The following NPTX2 variants were observed in gnomAD, a reference collection of about 807,000 sequenced individuals.
NPTX2 encodes the protein neuronal pentraxin-2.
A neutral mutation model predicts 38.1 loss-of-function variants in NPTX2; 23 were observed. The observed-to-expected ratio is 0.60, with a 90% CI of 0.43 to 0.85. The LOEUF (loss-of-function observed/expected upper bound fraction) is 0.85, where lower values mean the gene tolerates loss of function less well. Among genes scored for constraint, NPTX2 ranks in the 40% least tolerant of loss-of-function variants. The pLI, the probability that NPTX2 is intolerant of heterozygous loss-of-function variation, is 0.00. For synonymous variants in NPTX2, 291 were observed against 287.3 expected (o/e 1.01, Z -0.13); for missense variants, 553 against 615.3 (o/e 0.90, Z 1.07).
At chr7:98,623,174 G>C (rs1351330517) in intron 2 of NPTX2, among the ~76,000 whole-genome samples, 1 of 152,164 alleles carries the variant, frequency 6.6e-6, no homozygotes, top group African/African-American at 2.4e-5. Flanking sequence ...CCTTGTGGAT[G>C]CTTAACCGAC....
intron 3 of NPTX2, 148 bp downstream of exon 3, chr7:98,625,314 G>A: frequency 1.3e-6 from 1 of 750,714 alleles, no homozygotes; most frequent in South Asian, 1.8e-5. Flanking sequence ...TCGAGGTGGG[G>A]ATAGCTTTGC....
At chr7:98,624,064 G>A (rs920876821) in intron 2 of NPTX2, among the ~76,000 whole-genome samples, 6 of 152,100 alleles carry the variant, frequency 3.9e-5, no homozygotes, top group East Asian at 1.9e-4. Flanking sequence ...AGGCTCAAGC[G>A]ATCCACCTCA....
rs1791189661 is a variant in NPTX2, at chr7:98,617,588, C to T, written c.127C>T (p.Leu43=). The change falls in exon 1 of 5, where the codon CTG becomes TTG. Residue 43 remains leucine, a synonymous_variant. Coordinates refer to ENST00000265634, the MANE Select transcript of NPTX2 (RefSeq NM_002523.3). ...AGAGGCGGTGCACGCCGGCTGCCCG[C>T]TGCCCGCGATGCCCATGCAGGGCGG... is the stretch of plus-strand genomic sequence containing the variant. ...PPEAVHAGCP[L]PAMPMQGGAQ... is the part of the protein sequence containing the mutation. 2 of 1,485,084 alleles carry T rather than the reference C, an allele frequency of 1.3e-6. No individual in the cohort carries two copies. Among genetic ancestry groups the T allele is most frequent in the South Asian group, 1.3e-5 (1 of 79,154 alleles). 92.0% of individuals were successfully genotyped at this position (1,485,084 alleles called of 1,614,324 possible).
At position 98,623,938 on chromosome 7, in the gene NPTX2, T is replaced by C. The variant is rs377696299; in HGVS notation, c.644-984T>C. Among the ~76,000 whole-genome samples, 8 of 152,310 alleles carry C rather than the reference T, an allele frequency of 5.3e-5. No homozygotes were observed. In the East Asian group the frequency reaches 1.4e-3, roughly 26 times the overall value. ...TCTGCTCCTTCCTCAAGCTTTCTAG[T>C]CACCTAATATGACTTATGAAAAGAG... On this transcript the variant is annotated intron_variant, in intron 2 of 4. Transcript: ENST00000265634.
chr7:98,627,184 TTGTC>T lies in NPTX2; in HGVS notation c.909_912del (p.Phe303LeufsTer47). On this transcript the variant is annotated frameshift_variant, in exon 4 of 5. Coordinates refer to ENST00000265634, the MANE Select transcript of NPTX2 (RefSeq NM_002523.3). LOFTEE classifies it high-confidence loss of function. ...TCACAGGTTGCGCAGCTGCCCCTGT[TTGTC>T]AGTGACGGCAAGTGGCACCACATCT... The T allele has an allele frequency of 6.2e-7, 1 of 1,613,568 alleles. No individual in the cohort carries two copies. The highest frequency in any genetic ancestry group is 1.1e-5 in the South Asian group (1 of 91,066).
At chr7:98,627,403 C>T in intron 4 of NPTX2, 59 bp downstream of exon 4, 1 of 1,457,932 alleles carries the variant, frequency 6.9e-7, no homozygotes, top group South Asian at 1.2e-5. Flanking sequence ...CACAGGGTGG[C>T]CGTGCGCCCT....
chr7:98,623,662 G>A (rs73711719), intron 2 of NPTX2, among the ~76,000 whole-genome samples: 3,127 of 152,236 alleles, frequency 0.021, 70 homozygotes, highest in African/African-American at 0.052. Flanking sequence ...GTTAAGTTAT[G>A]GAGTCAAGAC....
intron 1 of NPTX2, 60 bp downstream of exon 1, chr7:98,617,947 G>A: frequency 6.7e-7 from 1 of 1,495,696 alleles, no homozygotes; most frequent in Non-Finnish European, 8.9e-7. Flanking sequence ...GTCGGGGGCG[G>A]AAGACTCGGG....
intron 3 of NPTX2, 114 bp downstream of exon 3, chr7:98,625,280 C>T (rs1329923099): frequency 7.4e-7 from 1 of 1,359,860 alleles, no homozygotes; most frequent in Non-Finnish European, 9.9e-7. Flanking sequence ...GTGTCCCAGA[C>T]ATGGGACTGC....
At chr7:98,620,122 A>C in intron 2 of NPTX2, 1 of 521,686 alleles carries the variant, frequency 1.9e-6, no homozygotes, top group Non-Finnish European at 3.5e-6. Flanking sequence ...GTCCTTTGTT[A>C]ACTAGTCCTG....
rs577132829 is a variant in NPTX2 at position 98,628,507 on chromosome 7, G to T, written c.1174G>T (p.Ala392Ser). 3 of 1,610,318 alleles carry T rather than the reference G, an allele frequency of 1.9e-6. No homozygotes were observed. Among genetic ancestry groups the T allele is most frequent in the Non-Finnish European group, 2.5e-6 (3 of 1,177,256 alleles). Residue 392 changes from alanine (A) to serine (S), a missense_variant, in exon 5 of 5, where the codon GCC becomes TCC. Physicochemically the swap from Ala to Ser is moderately conservative, Grantham distance 99. Transcript: ENST00000265634. ...TCGCGCACAAGAAATTGTCAACATC[G>T]CCAACTGCTCCACAAACATGCCGGG... ...VLRAQEIVNI[A>S]NCSTNMPGNI...
chr7:98,619,771 C>G lies in NPTX2; in HGVS notation c.555C>G (p.Ser185=). 3 of 1,613,686 alleles carry G rather than the reference C, an allele frequency of 1.9e-6. No homozygotes were observed. Among genetic ancestry groups the G allele is most frequent in the Non-Finnish European group, 2.5e-6 (3 of 1,180,034 alleles). The change falls in exon 2 of 5, where the codon TCC becomes TCG. Residue 185 remains serine, a synonymous_variant. Transcript: ENST00000265634. The part of the protein sequence containing the change: ...RKVAELEDEK[S]LLHNETSAHR... ...TGGCAGAGCTGGAGGACGAGAAGTC[C>G]CTGCTGCACAATGAGACCTCGGCTC... is the stretch of plus-strand genomic sequence containing the variant.
intron 1 of NPTX2, among the ~76,000 whole-genome samples, chr7:98,618,342 GTTTC>G (rs1421360953): frequency 6.6e-6 from 1 of 152,152 alleles, no homozygotes; most frequent in Non-Finnish European, 1.5e-5. Context: ...GGCATGTGGT[GTTTC>G]TTTCTTTAAA....
intron 4 of NPTX2, among the ~76,000 whole-genome samples, chr7:98,627,633 G>A (rs1413395375): frequency 1.3e-5 from 2 of 152,174 alleles, no homozygotes; most frequent in African/African-American, 4.8e-5. Flanking sequence ...GTGGGTGTGT[G>A]GTTCAAACAG....
chr7:98,627,460 G>T, intron 4 of NPTX2, 116 bp downstream of exon 4: 1 of 803,824 alleles, frequency 1.2e-6, no homozygotes, highest in Non-Finnish European at 2.0e-6. Context: ...ACGAGGCCAG[G>T]CCTGCAGCTG....
At position 98,627,352 on chromosome 7, in the gene NPTX2, C is replaced by T; in HGVS notation, c.1068+8C>T. On this transcript the variant is annotated splice_region_variant and intron_variant, in intron 4 of 4. Transcript: ENST00000265634. The stretch of plus-strand genomic sequence containing the variant: ...ATCCTTGGACAAGAGCAGGTGGGTG[C>T]AGGGCAGGTGCAGGTGGGCACAGGG... The T allele has an allele frequency of 6.2e-7, 1 of 1,611,800 alleles. No homozygotes were observed. Among genetic ancestry groups the T allele is most frequent in the Non-Finnish European group, 8.5e-7 (1 of 1,179,164 alleles).
At chr7:98,626,943 C>T (rs1199942512) in intron 3 of NPTX2, among the ~76,000 whole-genome samples, 2 of 152,324 alleles carry the variant, frequency 1.3e-5, no homozygotes, top group Non-Finnish European at 2.9e-5. Flanking sequence ...GTTCGGTCCT[C>T]AGCCACGCCA....
At position 98,625,160 on chromosome 7, in the gene NPTX2, C is replaced by T. The variant is rs149672697; in HGVS notation, c.882C>T (p.Asn294=). 48 of 1,587,484 alleles carry T rather than the reference C, an allele frequency of 3.0e-5. No homozygotes were observed. The highest frequency in any genetic ancestry group is 1.7e-4 in the Middle Eastern group (1 of 5,972). The change falls in exon 3 of 5, where the codon AAC becomes AAT. Residue 294 remains asparagine (N), a synonymous_variant. Coordinates refer to ENST00000265634, the MANE Select transcript of NPTX2 (RefSeq NM_002523.3). ...WGNNPIELLI[N]DKVAQLPLFV... is the part of the protein sequence containing the mutation. ...ACAACCCCATCGAGCTGCTCATCAACGACAAGGTGAGGCCCGCCTGCACCG... is the reference window on the plus strand; with the variant it reads ...ACAACCCCATCGAGCTGCTCATCAATGACAAGGTGAGGCCCGCCTGCACCG...
chr7:98,627,045 C>A (rs17161430), intron 3 of NPTX2, 120 bp from the exon 4 acceptor site: 8 of 652,210 alleles, frequency 1.2e-5, no homozygotes, highest in East Asian at 5.4e-5. Flanking sequence ...CGCATGACCC[C>A]GGTGACAGGA....
Sources: allele counts gnomAD v4.1 joint callset (sites outside exome capture counted in the v4.1 genomes callset), GRCh38; gene constraint gnomAD v4.1.1; transcripts MANE v1.5; gene names NCBI Gene and HGNC (gene_info 2026-07-23, HGNC 2026-07-21).